SEMA3A: variants seen among roughly 807,000 people sequenced by gnomAD.
SEMA3A encodes semaphorin-3A.
In SEMA3A, 29 loss-of-function variants were observed where a neutral mutation model predicts 97.9. The ratio of observed to expected loss-of-function variants is 0.30; its 90% CI spans 0.22 to 0.40. The LOEUF is 0.40. Ranked by LOEUF, SEMA3A falls within the 10% of genes least tolerant of loss-of-function variation. SEMA3A has a pLI of 1.00. For missense variants in SEMA3A, 763 were observed against 951.3 expected, an observed-to-expected ratio of 0.80 and a Z score of 2.60; for synonymous variants, 321 against 323.7, an observed-to-expected ratio of 0.99 and a Z score of 0.09.
rs151233423 is a variant in SEMA3A at position 84,154,542 on chromosome 7, G to T, written c.113-19591C>A. Among the ~76,000 whole-genome samples, 227 of 151,988 alleles carry T rather than the reference G, an allele frequency of 1.5e-3. 4 individuals carry two copies. The East Asian group carries it at 0.041, about 28-fold the overall frequency. On this transcript the variant is annotated intron_variant, in intron 1 of 16. Transcript: ENST00000265362. The stretch of plus-strand genomic sequence containing the variant: ...AATACAAAAATTAGCCGGGCATGGT[G>T]GTGGGCGCCTGTAATCCCAGCTACT...
intron 6 of SEMA3A, among the ~76,000 whole-genome samples, chr7:84,040,599 G>A (rs919868249): frequency 1.3e-5 from 2 of 151,960 alleles, no homozygotes; most frequent in Non-Finnish European, 2.9e-5. Context: ...CAGGGAGGCC[G>A]GTCACACCAT....
chr7:84,429,517 TA>T (rs1262757466), intron 1 of SEMA3A, among the ~76,000 whole-genome samples: 303 of 21,136 alleles, frequency 0.014, 35 homozygotes, highest in African/African-American at 0.068. Context: ...TAGAGTTTGT[TA>T]TATATATATA....
chr7:84,442,561 A>G (rs1805298853), intron 1 of SEMA3A, among the ~76,000 whole-genome samples: 1 of 152,160 alleles, frequency 6.6e-6, no homozygotes, highest in Non-Finnish European at 1.5e-5. Context: ...GTGAGAACAA[A>G]GAAAGGTATG....
chr7:84,077,681 T>C (rs1378717813), intron 4 of SEMA3A, among the ~76,000 whole-genome samples: 11 of 152,218 alleles, frequency 7.2e-5, no homozygotes, highest in South Asian at 4.1e-4. Flanking sequence ...AAAATAATTG[T>C]TATTTTGACA....
At chr7:84,267,351 C>T (rs1352930921) in intron 3 of SEMA3A, among the ~76,000 whole-genome samples, 9 of 152,096 alleles carry the variant, frequency 5.9e-5, no homozygotes, top group Non-Finnish European at 1.3e-4. Context: ...CATGTACACA[C>T]GAGCACAATT....
chr7:84,364,903 A>T (rs1226425197), intron 2 of SEMA3A, among the ~76,000 whole-genome samples: 1 of 151,580 alleles, frequency 6.6e-6, no homozygotes, highest in Non-Finnish European at 1.5e-5. Context: ...AACCTCAAGA[A>T]TGAGAGCAGT....
At chr7:84,403,889 T>A (rs548882639) in intron 1 of SEMA3A, among the ~76,000 whole-genome samples, 114 of 151,968 alleles carry the variant, frequency 7.5e-4, no homozygotes, top group Non-Finnish European at 1.3e-3. Flanking sequence ...CAAAAACCCA[T>A]CTGTAGGTCA....
At chr7:84,088,914 G>GC (rs1554324148) in intron 4 of SEMA3A, among the ~76,000 whole-genome samples, 2 of 147,662 alleles carry the variant, frequency 1.4e-5, no homozygotes, top group Non-Finnish European at 3.0e-5. Context: ...TCATGTTAAT[G>GC]TTTTTTTTTC....
At chr7:83,996,147 C>G (rs534914267) in intron 12 of SEMA3A, among the ~76,000 whole-genome samples, 1 of 152,100 alleles carries the variant, frequency 6.6e-6, no homozygotes, top group Non-Finnish European at 1.5e-5. Context: ...AAATCCCAAA[C>G]TGACTAGTTA....
At chr7:84,274,017 T>C (rs1239379641) in intron 3 of SEMA3A, among the ~76,000 whole-genome samples, 1 of 152,076 alleles carries the variant, frequency 6.6e-6, no homozygotes, top group Non-Finnish European at 1.5e-5. Flanking sequence ...AAAGTACATC[T>C]ATATAAGCTT....
At chr7:84,054,807 GTT>G (rs1278831397) in intron 5 of SEMA3A, among the ~76,000 whole-genome samples, 4 of 145,628 alleles carry the variant, frequency 2.7e-5, no homozygotes, top group Non-Finnish European at 6.1e-5. Flanking sequence ...CAGTTTTTCT[GTT>G]CTGTTTTTTC....
intron 1 of SEMA3A, among the ~76,000 whole-genome samples, chr7:84,387,980 C>T (rs1803442439): frequency 6.6e-6 from 1 of 151,830 alleles, no homozygotes; most frequent in Admixed American, 6.6e-5. Flanking sequence ...ATGGAAATAA[C>T]CTATTCAGAT....
chr7:83,988,077 TATTA>T (rs1193975621), intron 12 of SEMA3A, among the ~76,000 whole-genome samples: 3 of 152,356 alleles, frequency 2.0e-5, no homozygotes, highest in African/African-American at 7.2e-5. Flanking sequence ...TGGAATTCTT[TATTA>T]ATTATTCCTT....
intron 4 of SEMA3A, among the ~76,000 whole-genome samples, chr7:84,088,167 G>T (rs567318803): frequency 6.6e-6 from 1 of 152,198 alleles, no homozygotes; most frequent in African/African-American, 2.4e-5. Flanking sequence ...TTTATTGAAA[G>T]TATGCTTGCC....
rs571298805 is a variant in SEMA3A, at chr7:84,282,954, C to T, written c.-83+24253G>A. ...GCTTGAACCTGGAAGGTGGAGGTTG[C>T]AGCGAACAGAGATCACACCACTGCA... On this transcript the variant is annotated intron_variant, in intron 3 of 3. Transcript: ENST00000424555. 5.9e-4 allele frequency among the ~76,000 whole-genome samples: 90 copies of T among 152,044 alleles called. 1 individual carries two copies. The highest frequency in any genetic ancestry group is 2.0e-3 in the African/African-American group (85 of 41,484).
intron 1 of SEMA3A, among the ~76,000 whole-genome samples, chr7:84,397,658 A>G (rs936638114): frequency 3.9e-5 from 6 of 151,910 alleles, no homozygotes; most frequent in African/African-American, 1.5e-4. Context: ...CTGTGAAAAT[A>G]CGTTGTGAAT....
chr7:84,409,165 C>T (rs534210670), intron 1 of SEMA3A, among the ~76,000 whole-genome samples: 102 of 150,906 alleles, frequency 6.8e-4, no homozygotes, highest in African/African-American at 2.2e-3. Flanking sequence ...TAATTTATTG[C>T]ACATTTCAAA....
At chr7:84,338,112 G>A (rs527600477) in intron 2 of SEMA3A, among the ~76,000 whole-genome samples, 1 of 151,540 alleles carries the variant, frequency 6.6e-6, no homozygotes, top group South Asian at 2.1e-4. Context: ...GTATAAGTAT[G>A]TGCATATACT....
chr7:84,428,216 T>C (rs950633878), intron 1 of SEMA3A, among the ~76,000 whole-genome samples: 1 of 152,106 alleles, frequency 6.6e-6, no homozygotes, highest in Non-Finnish European at 1.5e-5. Context: ...TTATTTTGCA[T>C]GGAAGTCAAG....
Sources: gnomAD v4.1 joint callset for allele counts (sites outside exome capture counted in the v4.1 genomes callset) on GRCh38, gnomAD v4.1.1 for gene constraint, MANE v1.5 for transcripts, NCBI Gene and HGNC (gene_info 2026-07-23, HGNC 2026-07-21) for gene names.